Variants in DNAH5 observed in about 807,000 individuals in gnomAD.
DNAH5 encodes axonemal beta dynein heavy chain 5.
DNAH5 carries 372 observed loss-of-function variants against 518.2 expected under a neutral mutation model. That is an observed-to-expected ratio of 0.72 (90% CI 0.66 to 0.78). The LOEUF (loss-of-function observed/expected upper bound fraction) is 0.78, where lower values mean the gene tolerates loss of function less well. Among genes scored for constraint, DNAH5 ranks in the 30% least tolerant of loss-of-function variants. The probability of loss-of-function intolerance (pLI) is 0.00; values close to 1 mark genes in which losing one functional copy is unlikely to be tolerated. For synonymous variants in DNAH5, 2,039 were observed against 2,025.9 expected (o/e 1.01, Z -0.17); for missense variants, 5,523 against 5,687.0 (o/e 0.97, Z 0.93).
intron 65 of DNAH5, among the ~76,000 whole-genome samples, chr5:13,742,515 A>G (rs1288368440): frequency 3.3e-5 from 5 of 152,134 alleles, no homozygotes; most frequent in Non-Finnish European, 7.4e-5. Flanking sequence ...TCTACTTGAG[A>G]ACTATGAATT....
rs530090800 is a variant in DNAH5, at chr5:13,726,859, G to T, written c.12033+648C>A. On this transcript the variant is annotated intron_variant, in intron 70 of 78. Coordinates refer to ENST00000265104, the MANE Select transcript of DNAH5 (RefSeq NM_001369.3). ...GAAAAGCCCTTAAGGAGTCAACCTG[G>T]GCTGAATATCAGCGTTAAACTTTTC... 4.7e-4 allele frequency among the ~76,000 whole-genome samples: 71 copies of T among 152,240 alleles called. 2 individuals are homozygous for T. The highest frequency in any genetic ancestry group is 6.8e-3 in the Middle Eastern group (2 of 294).
intron 3 of DNAH5, among the ~76,000 whole-genome samples, chr5:13,924,075 G>A (rs944334857): frequency 4.6e-5 from 7 of 152,220 alleles, no homozygotes; most frequent in Non-Finnish European, 8.8e-5. Flanking sequence ...AGGCAGCTGT[G>A]ACATGTTCCA....
At chr5:13,864,754 T>A in intron 27 of DNAH5, 117 bp from the exon 28 acceptor site, 1 of 1,150,380 alleles carries the variant, frequency 8.7e-7, no homozygotes, top group South Asian at 1.3e-5. Context: ...TATCCTATTT[T>A]AAATCCCATG....
intron 40 of DNAH5, among the ~76,000 whole-genome samples, chr5:13,822,451 C>G (rs1167987355): frequency 6.6e-6 from 1 of 151,958 alleles, no homozygotes; most frequent in Non-Finnish European, 1.5e-5. Context: ...AGGGTTTCAC[C>G]ATGTTGCCTA....
Position 13,716,599 on chromosome 5 carries a change from G to A in DNAH5, c.12797C>T (p.Thr4266Ile), listed in dbSNP as rs1744307435. ...TTCACTGAACCAAACCTTAGCAAAT[G>A]TGTTCAACAATCTCTTATCATAGTC... ...TDDYDKRLLN[T>I]FAKVWFSENM... Residue 4266 changes from threonine (T) to isoleucine (I), a missense_variant, in exon 74 of 79, where the codon ACA becomes ATA. Thr to Ile is a moderately conservative substitution (Grantham distance 89, BLOSUM62 -1). This residue lies in a region of DNAH5 where 15 missense variants were observed against 33.6 expected (regional missense o/e 0.45). Coordinates refer to ENST00000265104, the MANE Select transcript of DNAH5 (RefSeq NM_001369.3). 1.2e-6 allele frequency: 2 copies of A among 1,613,356 alleles called. No homozygotes were observed. Among genetic ancestry groups the A allele is most frequent in the African/African-American group, 1.3e-5 (1 of 75,022 alleles).
chr5:13,837,047 C>G (rs1267862890), intron 35 of DNAH5, among the ~76,000 whole-genome samples: 1 of 152,186 alleles, frequency 6.6e-6, no homozygotes, highest in Admixed American at 6.5e-5. Context: ...GAAAGGAATT[C>G]TGCCAACAAC....
intron 78 of DNAH5, among the ~76,000 whole-genome samples, chr5:13,698,929 C>A (rs1041973478): frequency 1.3e-5 from 2 of 152,120 alleles, no homozygotes; most frequent in Admixed American, 6.5e-5. Context: ...AGCAGGTAGG[C>A]AAATTCACAA....
At position 13,944,638 on chromosome 5, in the gene DNAH5, C is replaced by T; in HGVS notation, c.-200G>A. On this transcript the variant is annotated 5_prime_UTR_variant, in exon 1 of 79. Coordinates refer to ENST00000265104, the MANE Select transcript of DNAH5 (RefSeq NM_001369.3). ...CCACTTATACCACTCAAGTTTTTCT[C>T]CTAGAGTGTCTGCCCTGGGCCTCTC... is the stretch of plus-strand genomic sequence containing the variant. 1 of 602,418 alleles carries T rather than the reference C, an allele frequency of 1.7e-6. No individual in the cohort carries two copies. The highest frequency in any genetic ancestry group is 1.9e-5 in the South Asian group (1 of 53,032). The allele number at this position is 602,418 out of a possible 1,614,324, so 37.3% of individuals were successfully genotyped here.
At chr5:13,699,368 C>A (rs111328697) in intron 78 of DNAH5, among the ~76,000 whole-genome samples, 16 of 152,270 alleles carry the variant, frequency 1.1e-4, no homozygotes, top group African/African-American at 3.9e-4. Context: ...TCCCTAGCAC[C>A]TAAGGTTATG....
In DNAH5 at chr5:13,842,433, A is replaced by AAGAGAGAGAGAGAGAG. The variant is rs756093950; in HGVS notation, c.5272-530_5272-529insCTCTCTCTCTCTCTCT. Among the ~76,000 whole-genome samples, 261 of 61,926 alleles carry AAGAGAGAGAGAGAGAG rather than the reference A, an allele frequency of 4.2e-3. 17 individuals carry two copies. The highest frequency in any genetic ancestry group is 0.015 in the African/African-American group (237 of 15,452). The allele number at this position is 61,926 out of a possible 152,430, so 40.6% of individuals were successfully genotyped here. On this transcript the variant is annotated intron_variant, in intron 32 of 78. Transcript: ENST00000265104. Reference sequence around the variant, plus strand: ...GAAAGAAAAGAAAAGAAAAGAAAGAAAGAAAGAAAGAAAGAAAGAAAGAAA... The same window carrying AAGAGAGAGAGAGAGAG: ...GAAAGAAAAGAAAAGAAAAGAAAGAAAGAGAGAGAGAGAGAGAGAAAGAAAGAAAGAAAGAAAGAAA...
At chr5:13,976,724 T>TACACAC (rs375620037) in intron 1 of DNAH5, among the ~76,000 whole-genome samples, 32 of 109,872 alleles carry the variant, frequency 2.9e-4, no homozygotes, top group East Asian at 2.3e-3. Flanking sequence ...CACACACACA[T>TACACAC]ACACACACAC....
Position 13,792,127 on chromosome 5 carries a change from C to T in DNAH5, c.8315G>A (p.Arg2772Gln), listed in dbSNP as rs755210201. 3.7e-6 allele frequency: 6 copies of T among 1,613,822 alleles called. No individual in the cohort carries two copies. The highest frequency in any genetic ancestry group is 2.7e-5 in the African/African-American group (2 of 74,868). The change falls in exon 50 of 79, where the codon CGA becomes CAA. Residue 2772 changes from arginine (R) to glutamine (Q), a missense_variant. Arg to Gln is a conservative substitution (Grantham distance 43). Around this residue, in one of 3 missense-constraint regions of DNAH5, gnomAD observed 5,121 missense variants for 5,223.3 expected, o/e 0.98. Transcript: ENST00000265104. ...SVTKLVPLTRRLWQMTKIKML... is the reference protein window; with the variant it reads ...SVTKLVPLTRQLWQMTKIKML... Reference sequence around the variant, plus strand: ...TTTAATCTTGGTCATCTGCCATAGTCGGCGTGTCAGAGGCACCAATTTTGT... The same window carrying T: ...TTTAATCTTGGTCATCTGCCATAGTTGGCGTGTCAGAGGCACCAATTTTGT...
At chr5:14,008,173 G>GA (rs113559402) in intron 1 of DNAH5, among the ~76,000 whole-genome samples, 2,686 of 73,564 alleles carry the variant, frequency 0.037, 32 homozygotes, top group Non-Finnish European at 0.046. Flanking sequence ...ATCCGTCTTA[G>GA]AAAAAAAAAA....
chr5:13,842,542 G>A (rs1765437960), intron 32 of DNAH5, among the ~76,000 whole-genome samples: 1 of 151,958 alleles, frequency 6.6e-6, no homozygotes, highest in Non-Finnish European at 1.5e-5. Flanking sequence ...AAACCATACT[G>A]TAAGGGGGGA....
chr5:14,001,432 C>T (rs1784344864), intron 1 of DNAH5, among the ~76,000 whole-genome samples: 1 of 151,820 alleles, frequency 6.6e-6, no homozygotes, highest in African/African-American at 2.4e-5. Flanking sequence ...GGTGTGATCT[C>T]GGCTCACTGC....
chr5:14,000,158 G>A (rs1784249996), intron 1 of DNAH5, among the ~76,000 whole-genome samples: 1 of 152,174 alleles, frequency 6.6e-6, no homozygotes, highest in African/African-American at 2.4e-5. Context: ...TCACTAGGGT[G>A]GGCTCTATCC....
chr5:13,803,708 A>G (rs1029746680), intron 47 of DNAH5, among the ~76,000 whole-genome samples: 4 of 152,218 alleles, frequency 2.6e-5, no homozygotes, highest in Non-Finnish European at 5.9e-5. Context: ...CTGAGGAGCC[A>G]AAAGGATTTT....
Position 13,700,767 on chromosome 5 carries a change from A to G in DNAH5, c.13596T>C (p.Gly4532=). 1 of 1,614,046 alleles carries G rather than the reference A, an allele frequency of 6.2e-7. No homozygotes were observed. The change falls in exon 78 of 79, where the codon GGT becomes GGC. Residue 4532 remains glycine, a synonymous_variant. Transcript: ENST00000265104. The part of the protein sequence containing the change: ...KDDISAPPTE[G]VYVYGLYLEG... ...CAAGATATAAGCCATAGACATAGACACCCTCTGTGGGAGGGGCAGAAATGT... is the reference window on the plus strand; with the variant it reads ...CAAGATATAAGCCATAGACATAGACGCCCTCTGTGGGAGGGGCAGAAATGT...
chr5:13,787,849 T>G (rs886732161), intron 51 of DNAH5, among the ~76,000 whole-genome samples: 1 of 152,204 alleles, frequency 6.6e-6, no homozygotes, highest in African/African-American at 2.4e-5. Context: ...AAACTTTTGA[T>G]AGTTCACATT....
Sources: gnomAD v4.1 joint callset for allele counts (sites outside exome capture counted in the v4.1 genomes callset) on GRCh38, gnomAD v4.1.1 for gene constraint, gnomAD v4.1.1 regional missense constraint, MANE v1.5 for transcripts, NCBI Gene and HGNC (gene_info 2026-07-23, HGNC 2026-07-21) for gene names.